The following TRPM6 variants were observed in gnomAD, a reference collection of about 807,000 sequenced individuals.
TRPM6 encodes channel kinase 2.
In TRPM6, 111 loss-of-function variants were observed where a neutral mutation model predicts 247.6. The ratio of observed to expected loss-of-function variants is 0.45; its 90% CI spans 0.38 to 0.52. The LOEUF is 0.52. Ranked by LOEUF, TRPM6 falls within the 20% of genes least tolerant of loss-of-function variation. The pLI, the probability that TRPM6 is intolerant of heterozygous loss-of-function variation, is 0.00. For missense variants in TRPM6, 2,126 were observed against 2,421.5 expected (o/e 0.88, Z 2.56); for synonymous variants, 892 against 853.8 (o/e 1.04, Z -0.78).
intron 11 of TRPM6, among the ~76,000 whole-genome samples, chr9:74,812,791 G>A (rs1221734332): frequency 1.3e-5 from 2 of 152,178 alleles, no homozygotes; most frequent in Admixed American, 1.3e-4. Flanking sequence ...TTGGGAGGCT[G>A]AGGTGGGAGG....
intron 23 of TRPM6, among the ~76,000 whole-genome samples, chr9:74,778,877 G>C (rs916218881): frequency 6.6e-6 from 1 of 152,096 alleles, no homozygotes; most frequent in African/African-American, 2.4e-5. Context: ...GTGACTGGGA[G>C]TGCACCACCT....
At chr9:74,833,032 G>A (rs988702713) in intron 6 of TRPM6, among the ~76,000 whole-genome samples, 53 of 150,220 alleles carry the variant, frequency 3.5e-4, no homozygotes, top group Non-Finnish European at 5.6e-4. Context: ...GCCTGGGCAA[G>A]AGAGCGAGAC....
intron 1 of TRPM6, among the ~76,000 whole-genome samples, chr9:74,864,602 C>G (rs1467850140): frequency 6.6e-6 from 1 of 152,188 alleles, no homozygotes; most frequent in Non-Finnish European, 1.5e-5. Context: ...CTTCATCTCA[C>G]TTTGGTGGTA....
rs578136102 is a variant in TRPM6 at position 74,752,246 on chromosome 9, CTTTTTTT to C, written c.4998+24_4998+30del. The stretch of plus-strand genomic sequence containing the variant: ...AAGAGTAGCACTGCATGCTCGAATG[CTTTTTTT>C]TTTAACTCCTAAAATATTTTTACCT... On this transcript the variant is annotated intron_variant, in intron 29 of 38. Transcript: ENST00000360774. 2.4e-3 allele frequency: 2,788 copies of C among 1,179,440 alleles called. 8 individuals carry two copies. The highest frequency in any genetic ancestry group is 2.9e-3 in the Non-Finnish European group (2,444 of 836,892). 73.1% of individuals were successfully genotyped at this position (1,179,440 alleles called of 1,614,324 possible).
At chr9:74,741,336 C>CATAT (rs369129898) in intron 33 of TRPM6, among the ~76,000 whole-genome samples, 3 of 150,318 alleles carry the variant, frequency 2.0e-5, no homozygotes, top group African/African-American at 7.3e-5. Flanking sequence ...TATATAGAAG[C>CATAT]ATATATATAT....
rs1825255807 is a variant in TRPM6 at position 74,724,659 on chromosome 9, G to C, written c.6023C>G (p.Ala2008Gly). ...TGGGGAATTTCTACCCGTCTCCCTT[G>C]CTGGAGGCTCCTCAGCTGATTCTAT... is the stretch of plus-strand genomic sequence containing the variant. ...IKIESAEEPP[A>G]RETGRNSPED... The change falls in exon 39 of 39, where the codon GCA (alanine) becomes GGA (glycine). Residue 2008 changes from alanine (A) to glycine (G), a missense_variant. Ala to Gly is a moderately conservative substitution (Grantham distance 60). This residue lies in a region of TRPM6 where 327 missense variants were observed against 397.7 expected (regional missense o/e 0.82). Transcript: ENST00000360774. 1 of 1,614,022 alleles carries C rather than the reference G, an allele frequency of 6.2e-7. No individual in the cohort carries two copies. Among genetic ancestry groups the C allele is most frequent in the Non-Finnish European group, 8.5e-7 (1 of 1,180,028 alleles).
chr9:74,765,903 G>A (rs1405832407), intron 25 of TRPM6, among the ~76,000 whole-genome samples: 1 of 152,118 alleles, frequency 6.6e-6, no homozygotes, highest in Non-Finnish European at 1.5e-5. Context: ...TTCTGCTATA[G>A]AATTCAACTT....
In TRPM6 at chr9:74,801,984, C is replaced by T. The variant is rs372508531; in HGVS notation, c.1923G>A (p.Ala641=). The change falls in exon 16 of 39, where the codon GCG becomes GCA. Residue 641 remains alanine, a synonymous_variant. Coordinates refer to ENST00000360774, the MANE Select transcript of TRPM6 (RefSeq NM_017662.5). ...GGGCCATTGCCCGGTAGAGGATACA[C>T]GCAATCACGGCTTTAACCGTGGCCT... ...GEEATVKAVI[A]CILYRAMAHE... is the part of the protein sequence containing the mutation. The T allele has an allele frequency of 5.1e-5, 82 of 1,614,094 alleles. No individual in the cohort carries two copies. Among genetic ancestry groups the T allele is most frequent in the East Asian group, 2.0e-4 (9 of 44,894 alleles).
intron 36 of TRPM6, among the ~76,000 whole-genome samples, chr9:74,737,840 T>G (rs1279592389): frequency 6.6e-6 from 1 of 152,228 alleles, no homozygotes; most frequent in African/African-American, 2.4e-5. Context: ...CTGCTGGAGA[T>G]ACTCTGTTTT....
In TRPM6 at chr9:74,763,116, G is replaced by T; in HGVS notation, c.3555C>A (p.Phe1185Leu). The change falls in exon 26 of 39, where the codon TTC becomes TTA. Residue 1185 changes from phenylalanine (F) to leucine (L), a missense_variant. Phe to Leu is a conservative substitution (Grantham distance 22). This residue lies in a region of TRPM6 where 717 missense variants were observed against 715.9 expected (regional missense o/e 1.00). Coordinates refer to ENST00000360774, the MANE Select transcript of TRPM6 (RefSeq NM_017662.5). ...VTSERVTEMY[F>L]QLKEMNEKVS... is the part of the protein sequence containing the mutation. Reference sequence around the variant, plus strand: ...CCTTTTCATTCATTTCTTTCAGCTGGAAGTACATCTCTGTAACCCTAGTGG... The same window carrying T: ...CCTTTTCATTCATTTCTTTCAGCTGTAAGTACATCTCTGTAACCCTAGTGG... The T allele has an allele frequency of 6.2e-7, 1 of 1,611,694 alleles. No individual in the cohort carries two copies. Among genetic ancestry groups the T allele is most frequent in the Non-Finnish European group, 8.5e-7 (1 of 1,179,990 alleles).
chr9:74,857,716 C>T (rs1830569572), intron 2 of TRPM6: 1 of 152,180 alleles, frequency 6.6e-6, no homozygotes, highest in South Asian at 2.1e-4. Context: ...TGGAATGATA[C>T]AGAGAAGATT....
chr9:74,812,564 C>CAA, intron 11 of TRPM6, 131 bp from the exon 12 acceptor site: 1 of 723,482 alleles, frequency 1.4e-6, no homozygotes, highest in African/African-American at 2.0e-5. Context: ...TCAGTGGGTA[C>CAA]AGAAAAAAAA....
chr9:74,778,680 C>A (rs906341170), intron 23 of TRPM6, among the ~76,000 whole-genome samples: 1 of 152,116 alleles, frequency 6.6e-6, no homozygotes, highest in African/African-American at 2.4e-5. Flanking sequence ...CCAACCAGAC[C>A]CAAACATGAT....
chr9:74,786,740 AAAAT>A (rs1404233641), intron 20 of TRPM6, among the ~76,000 whole-genome samples: 2 of 152,178 alleles, frequency 1.3e-5, no homozygotes, highest in East Asian at 3.9e-4. Context: ...GCTCTGTCTC[AAAAT>A]AAATAAACAA....
chr9:74,735,578 A>G (rs1405055147), intron 36 of TRPM6, among the ~76,000 whole-genome samples: 3 of 152,208 alleles, frequency 2.0e-5, no homozygotes, highest in Non-Finnish European at 4.4e-5. Context: ...ATCTCTAAAA[A>G]TTAATATTAA....
intron 9 of TRPM6, among the ~76,000 whole-genome samples, chr9:74,818,178 G>C (rs1034139435): frequency 1.1e-4 from 16 of 151,872 alleles, no homozygotes; most frequent in African/African-American, 3.6e-4. Context: ...CAAACATAAG[G>C]GCAATCCCTT....
intron 36 of TRPM6, among the ~76,000 whole-genome samples, chr9:74,734,935 A>G (rs932295985): frequency 2.0e-5 from 3 of 152,158 alleles, no homozygotes; most frequent in African/African-American, 4.8e-5. Context: ...AGAATAGGCC[A>G]GGCACGGTGG....
intron 32 of TRPM6, 66 bp downstream of exon 32, chr9:74,744,029 T>C (rs1419676448): frequency 1.3e-6 from 2 of 1,504,344 alleles, no homozygotes; most frequent in African/African-American, 1.4e-5. Flanking sequence ...TCAGTGTTTC[T>C]GTTTACAAAT....
intron 6 of TRPM6, among the ~76,000 whole-genome samples, chr9:74,832,120 CTCAA>C (rs1271169097): frequency 1.3e-5 from 2 of 152,176 alleles, no homozygotes; most frequent in African/African-American, 4.8e-5. Context: ...GATCATACCT[CTCAA>C]TCAAACTACC....
Sources: gnomAD v4.1 joint callset for allele counts (sites outside exome capture counted in the v4.1 genomes callset) on GRCh38, gnomAD v4.1.1 for gene constraint, gnomAD v4.1.1 regional missense constraint, MANE v1.5 for transcripts, NCBI Gene and HGNC (gene_info 2026-07-23, HGNC 2026-07-21) for gene names.